The following CNPY1 variants were observed in gnomAD, a reference collection of about 807,000 sequenced individuals.
CNPY1 encodes protein canopy homolog 1.
In CNPY1, 14 loss-of-function variants were observed where a neutral mutation model predicts 14.4. The observed-to-expected ratio is 0.97, with a 90% CI of 0.64 to 1.52. The LOEUF (loss-of-function observed/expected upper bound fraction) is 1.52. CNPY1 is among the 40% of genes most tolerant of loss of function. CNPY1 has a pLI of 0.00. For synonymous variants in CNPY1, 43 were observed against 46.5 expected (o/e 0.92, Z 0.31); for missense variants, 129 against 131.5 (o/e 0.98, Z 0.09).
intron 2 of CNPY1, among the ~76,000 whole-genome samples, chr7:155,520,232 G>T (rs1796692570): frequency 6.6e-6 from 1 of 152,094 alleles, no homozygotes; most frequent in Non-Finnish European, 1.5e-5. Flanking sequence ...GCAGCTCATT[G>T]CTTGGGATTC....
chr7:155,519,751 C>T (rs146041144), intron 2 of CNPY1, among the ~76,000 whole-genome samples: 52 of 152,260 alleles, frequency 3.4e-4, no homozygotes, highest in South Asian at 1.9e-3. Context: ...AATGAACTCA[C>T]AATCTTAGCA....
intron 2 of CNPY1, among the ~76,000 whole-genome samples, chr7:155,521,069 A>C (rs1052931898): frequency 2.0e-5 from 3 of 150,890 alleles, no homozygotes; most frequent in African/African-American, 7.4e-5. Context: ...GAAGGAAGGA[A>C]GGAAGGAAGC....
At chr7:155,527,060 T>TC (rs57894007) in intron 2 of CNPY1, among the ~76,000 whole-genome samples, 126 of 139,866 alleles carry the variant, frequency 9.0e-4, no homozygotes, top group Middle Eastern at 3.6e-3. Flanking sequence ...CTTTCTTTTT[T>TC]TTTTTTTTTT....
At chr7:155,515,351 G>A (rs558333763) in intron 2 of CNPY1, among the ~76,000 whole-genome samples, 9 of 148,598 alleles carry the variant, frequency 6.1e-5, no homozygotes, top group African/African-American at 2.2e-4. Context: ...AACAGGCCTC[G>A]GTGATTAGAA....
chr7:155,527,054 C>CTTTCTTTTTT (rs56296833), intron 2 of CNPY1, among the ~76,000 whole-genome samples: 2 of 90,342 alleles, frequency 2.2e-5, no homozygotes, highest in African/African-American at 1.0e-4. Context: ...TTCTTTCTTT[C>CTTTCTTTTTT]TTTTTTTTTT....
chr7:155,523,656 C>T (rs1436461911), intron 2 of CNPY1, among the ~76,000 whole-genome samples: 3 of 152,320 alleles, frequency 2.0e-5, no homozygotes, highest in African/African-American at 7.2e-5. Flanking sequence ...CCATCAGCCT[C>T]ATGGACTTGG....
intron 3 of CNPY1, among the ~76,000 whole-genome samples, chr7:155,507,713 A>T (rs567582952): frequency 6.6e-6 from 1 of 150,652 alleles, no homozygotes; most frequent in East Asian, 1.9e-4. Context: ...CACTTCACTT[A>T]AAAAAAAATA....
chr7:155,541,756 G>A (rs1053771315), intron 2 of CNPY1, among the ~76,000 whole-genome samples: 1 of 152,206 alleles, frequency 6.6e-6, no homozygotes, highest in Non-Finnish European at 1.5e-5. Flanking sequence ...TGTGGATGGA[G>A]CCACACACCC....
At chr7:155,537,122 C>CTAGAAGA (rs1797033091) in intron 2 of CNPY1, among the ~76,000 whole-genome samples, 1 of 152,214 alleles carries the variant, frequency 6.6e-6, no homozygotes, top group African/African-American at 2.4e-5. Context: ...ATGCTAACAT[C>CTAGAAGA]TTCTCATGTC....
chr7:155,532,996 C>T (rs1007901442), intron 2 of CNPY1, among the ~76,000 whole-genome samples: 1 of 152,232 alleles, frequency 6.6e-6, no homozygotes, highest in East Asian at 1.9e-4. Flanking sequence ...CTCATTTCTC[C>T]TTTACCGCTA....
At chr7:155,510,858 T>C (rs892429311) in intron 2 of CNPY1, among the ~76,000 whole-genome samples, 3 of 152,246 alleles carry the variant, frequency 2.0e-5, no homozygotes, top group Non-Finnish European at 4.4e-5. Flanking sequence ...AAACACGTAT[T>C]AATCACTGGA....
In CNPY1 at chr7:155,505,803, T is replaced by C. The variant is rs1230467255; in HGVS notation, c.400+1217A>G. Among the ~76,000 whole-genome samples, 3 of 152,256 alleles carry C rather than the reference T, an allele frequency of 2.0e-5. No homozygotes were observed. The East Asian group carries it at 5.8e-4, about 29-fold the overall frequency. ...CATTTCCTGTGGGAAGTTGTGGTCA[T>C]GGACATCACACATTTCTATAGTATA... On this transcript the variant is annotated intron_variant, in intron 4 of 4. Transcript: ENST00000636446.
chr7:155,524,575 A>C (rs761493171), intron 2 of CNPY1, among the ~76,000 whole-genome samples: 1 of 152,182 alleles, frequency 6.6e-6, no homozygotes, highest in African/African-American at 2.4e-5. Flanking sequence ...TGGGCTCCCT[A>C]TGAGAATCTA....
At chr7:155,541,927 C>T (rs1390501680) in intron 2 of CNPY1, among the ~76,000 whole-genome samples, 1 of 152,084 alleles carries the variant, frequency 6.6e-6, no homozygotes, top group Non-Finnish European at 1.5e-5. Context: ...TGCTGGGATT[C>T]TCCCAGGGCT....
chr7:155,506,933 G>T, intron 4 of CNPY1, 87 bp downstream of exon 4: 1 of 855,858 alleles, frequency 1.2e-6, no homozygotes, highest in Admixed American at 1.9e-5. Flanking sequence ...AGGCAGCGAG[G>T]CTCGGTCTGC....
At chr7:155,507,187 G>C in intron 3 of CNPY1, 71 bp from the exon 4 acceptor site, 2 of 937,054 alleles carry the variant, frequency 2.1e-6, no homozygotes, top group Non-Finnish European at 3.4e-6. Context: ...GAAGGACTTT[G>C]CAACAATTTA....
At chr7:155,537,425 T>C (rs1168845303) in intron 2 of CNPY1, among the ~76,000 whole-genome samples, 1 of 116,024 alleles carries the variant, frequency 8.6e-6, no homozygotes, top group Non-Finnish European at 1.8e-5. Flanking sequence ...TTTTCTTTTC[T>C]TTTTTTTTTT....
At chr7:155,518,827 G>A (rs769342180) in intron 2 of CNPY1, among the ~76,000 whole-genome samples, 2 of 152,182 alleles carry the variant, frequency 1.3e-5, no homozygotes, top group Non-Finnish European at 2.9e-5. Context: ...ACTCAGGGAC[G>A]GGCAGCCTGT....
At chr7:155,521,011 C>A (rs1214136642) in intron 2 of CNPY1, among the ~76,000 whole-genome samples, 2 of 142,500 alleles carry the variant, frequency 1.4e-5, no homozygotes, top group African/African-American at 5.1e-5. Context: ...TCTGTAATCC[C>A]AGCTACTCAC....
Sources: allele counts gnomAD v4.1 joint callset (sites outside exome capture counted in the v4.1 genomes callset), GRCh38; gene constraint gnomAD v4.1.1; transcripts MANE v1.5; gene names NCBI Gene and HGNC (gene_info 2026-07-23, HGNC 2026-07-21).